TRPC5: variants seen among roughly 807,000 people sequenced by gnomAD.
TRPC5 encodes transient receptor potential cation channel subfamily C member 5, also known as short transient receptor potential channel 5.
A neutral mutation model predicts 56.5 loss-of-function variants in TRPC5; 9 were observed. The ratio of observed to expected loss-of-function variants is 0.16; its 90% CI spans 0.10 to 0.28. The LOEUF (loss-of-function observed/expected upper bound fraction) is 0.28. TRPC5 is among the 10% of genes least tolerant of loss of function. The pLI, the probability that TRPC5 is intolerant of heterozygous loss-of-function variation, is 1.00. For missense variants in TRPC5, 469 were observed against 748.9 expected (o/e 0.63, Z 4.36); for synonymous variants, 282 against 278.5 (o/e 1.01, Z -0.13).
At chrX:112,065,628 C>G (rs142526665) in intron 1 of TRPC5, among the ~76,000 whole-genome samples, 2 of 112,105 alleles carry the variant, frequency 1.8e-5, no homozygotes, top group African/African-American at 6.5e-5. Flanking sequence ...CAGTGGCTCA[C>G]GCCTGTAATC....
At chrX:112,072,139 C>T (rs939965333) in intron 1 of TRPC5, among the ~76,000 whole-genome samples, 1 of 111,976 alleles carries the variant, frequency 8.9e-6, no homozygotes, top group Admixed American at 9.5e-5. Context: ...ACGAGGAGCA[C>T]GAACTTTGGA....
chrX:111,967,990 A>T (rs1337107369), intron 1 of TRPC5, among the ~76,000 whole-genome samples: 22 of 110,912 alleles, frequency 2.0e-4, no homozygotes, highest in African/African-American at 6.9e-4. Context: ...AATTAAACTA[A>T]AGAGCTTCTG....
chrX:112,051,494 C>A (rs1373121868), intron 1 of TRPC5, among the ~76,000 whole-genome samples: 1 of 111,234 alleles, frequency 9.0e-6, no homozygotes, highest in African/African-American at 3.3e-5. Context: ...TTTTCCAGGG[C>A]AATGTTCATC....
intron 1 of TRPC5, among the ~76,000 whole-genome samples, chrX:112,025,617 T>C (rs1040320386): frequency 8.9e-6 from 1 of 111,816 alleles, no homozygotes; most frequent in East Asian, 2.8e-4. Flanking sequence ...TGTAATATAG[T>C]TCACAAATTC....
chrX:111,967,049 G>T (rs1927609914), intron 1 of TRPC5, among the ~76,000 whole-genome samples: 1 of 111,765 alleles, frequency 8.9e-6, no homozygotes. Flanking sequence ...GTCCCTGTTT[G>T]CAGATGACAT....
intron 7 of TRPC5, among the ~76,000 whole-genome samples, chrX:111,805,204 C>T (rs1461192654): frequency 8.9e-6 from 1 of 112,026 alleles, no homozygotes; most frequent in Non-Finnish European, 1.9e-5. Flanking sequence ...GTGAAGCCAA[C>T]TTGATCGTGG....
chrX:111,784,978 T>C (rs1416174647), intron 7 of TRPC5, among the ~76,000 whole-genome samples: 3 of 112,496 alleles, frequency 2.7e-5, no homozygotes, highest in South Asian at 3.7e-4. Context: ...ACTCCACCTC[T>C]GTGGGCAGGG....
intron 3 of TRPC5, among the ~76,000 whole-genome samples, chrX:111,875,733 A>T (rs1923917430): frequency 9.1e-6 from 1 of 109,814 alleles, no homozygotes; most frequent in African/African-American, 3.3e-5. Context: ...TGTAGAAAAA[A>T]ATAATGACTG....
chrX:111,982,756 G>A (rs1386814453), intron 1 of TRPC5, among the ~76,000 whole-genome samples: 1 of 111,028 alleles, frequency 9.0e-6, no homozygotes, highest in Non-Finnish European at 1.9e-5. Context: ...TGGAACTAAG[G>A]CCTCTAGGTC....
chrX:112,029,759 A>AGGACC (rs748486952), intron 1 of TRPC5, among the ~76,000 whole-genome samples: 15 of 111,585 alleles, frequency 1.3e-4, no homozygotes, highest in Non-Finnish European at 1.5e-4. Context: ...CCCAAAGTAG[A>AGGACC]GGACCCTTAA....
intron 7 of TRPC5, among the ~76,000 whole-genome samples, chrX:111,810,198 C>A (rs994195833): frequency 9.0e-6 from 1 of 111,534 alleles, no homozygotes; most frequent in African/African-American, 3.3e-5. Context: ...CAGGCATGAG[C>A]CACCGTGCCT....
intron 2 of TRPC5, among the ~76,000 whole-genome samples, chrX:111,940,769 A>G (rs1926756133): frequency 1.9e-5 from 2 of 107,946 alleles, no homozygotes; most frequent in African/African-American, 6.8e-5. Context: ...CTAAACAAGC[A>G]CTGGGCTTGA....
At chrX:111,785,364 C>T (rs1945953812) in intron 7 of TRPC5, among the ~76,000 whole-genome samples, 1 of 111,849 alleles carries the variant, frequency 8.9e-6, no homozygotes, top group African/African-American at 3.3e-5. Flanking sequence ...GGAATAGCAT[C>T]AACATCAACA....
intron 1 of TRPC5, among the ~76,000 whole-genome samples, chrX:111,976,876 T>C (rs77903352): frequency 9.3e-6 from 1 of 107,826 alleles, no homozygotes; most frequent in African/African-American, 3.4e-5. Flanking sequence ...AAAAAAAAAA[T>C]CCCATTTACA....
chrX:111,981,194 T>C (rs931164928), intron 1 of TRPC5, among the ~76,000 whole-genome samples: 14 of 109,943 alleles, frequency 1.3e-4, no homozygotes, highest in African/African-American at 4.3e-4. Flanking sequence ...AGAGAGCTGA[T>C]GATGCATGTT....
rs949063996 is a variant in TRPC5 at position 111,877,794 on chromosome X, C to T, written c.901-23688G>A. ...GCAGCAGGCTGGAGGTGGTGGCACA[C>T]CTACCTATGTAGGTTGGCTGTAAAA... On this transcript the variant is annotated intron_variant, in intron 3 of 10. Transcript: ENST00000262839. Among the ~76,000 whole-genome samples the T allele has an allele frequency of 5.4e-5, 6 of 111,292 alleles. No homozygotes were observed. In the South Asian group the frequency reaches 2.3e-3, roughly 43 times the overall value.
At position 111,781,970 on chromosome X, in the gene TRPC5, C is replaced by T. The variant is rs774418465; in HGVS notation, c.2065G>A (p.Gly689Ser). Reference protein sequence around the residue: ...NTFCPKRDPDGRRRRRNLRSF... With the variant: ...NTFCPKRDPDSRRRRRNLRSF... ...CTCAAGTTGCGCCTTCTCCGTCTAC[C>T]GTCAGGGTCTCTTTTGGGGCAGAAG... Residue 689 changes from glycine to serine, a missense_variant, in exon 8 of 11, where the codon GGT becomes AGT. Physicochemically the swap from Gly to Ser is moderately conservative, Grantham distance 56 (BLOSUM62 0). Around this residue, in one of 3 missense-constraint regions of TRPC5, gnomAD observed 194 missense variants for 221.8 expected, o/e 0.87. Transcript: ENST00000262839. 1.8e-5 allele frequency: 22 copies of T among 1,203,026 alleles called. No homozygotes were observed. Among genetic ancestry groups the T allele is most frequent in the South Asian group, 3.6e-5 (2 of 55,267 alleles).
At position 111,912,149 on chromosome X, in the gene TRPC5, G is replaced by A; in HGVS notation, c.900+142C>T. The A allele has an allele frequency of 1.4e-5, 9 of 647,354 alleles. No homozygotes were observed. The South Asian group carries it at 2.1e-4, about 15-fold the overall frequency. The allele number at this position is 647,354 out of a possible 1,213,427, so 53.3% of individuals were successfully genotyped here. A position where few individuals can be genotyped will look rare whatever the true frequency, so the allele number is the denominator to read the frequency against. The stretch of plus-strand genomic sequence containing the variant: ...ATACAAAAAGGTTGTCTGTGCCTCG[G>A]ATAAATGGGCCTAGCTGTGAGGCCT... On this transcript the variant is annotated intron_variant, in intron 3 of 10. Transcript: ENST00000262839.
chrX:111,888,070 T>A (rs990468352), intron 3 of TRPC5, among the ~76,000 whole-genome samples: 2 of 110,920 alleles, frequency 1.8e-5, no homozygotes, highest in Non-Finnish European at 3.8e-5. Context: ...AGCAAAGAGA[T>A]TGAAGAAGGT....
Sources: gnomAD v4.1 joint callset for allele counts (sites outside exome capture counted in the v4.1 genomes callset) on GRCh38, gnomAD v4.1.1 for gene constraint, gnomAD v4.1.1 regional missense constraint, MANE v1.5 for transcripts, NCBI Gene and HGNC (gene_info 2026-07-23, HGNC 2026-07-21) for gene names.